The following PKNOX2 variants were observed in gnomAD, a reference collection of about 807,000 sequenced individuals.
PKNOX2 encodes PBX/knotted 1 homeobox 2.
PKNOX2 carries 14 observed loss-of-function variants against 53.1 expected under a neutral mutation model. That is an observed-to-expected ratio of 0.26 (90% CI 0.17 to 0.41). The LOEUF (loss-of-function observed/expected upper bound fraction) is 0.41, where lower values mean the gene tolerates loss of function less well. Among genes scored for constraint, PKNOX2 ranks in the 10% least tolerant of loss-of-function variants. The pLI is 1.00. For missense variants in PKNOX2, 496 were observed against 602.8 expected, an observed-to-expected ratio of 0.82 and a Z score of 1.85; for synonymous variants, 257 against 242.8, an observed-to-expected ratio of 1.06 and a Z score of -0.54.
intron 8 of PKNOX2, 198 bp downstream of exon 8, chr11:125,410,523 T>G (rs1955443090): frequency 1.2e-6 from 1 of 807,896 alleles, no homozygotes; most frequent in Non-Finnish European, 1.9e-6. Context: ...CAAATTTGGG[T>G]CAAAATCTCA....
intron 2 of PKNOX2, among the ~76,000 whole-genome samples, chr11:125,261,979 A>G (rs1944881747): frequency 2.0e-5 from 3 of 152,290 alleles, no homozygotes; most frequent in African/African-American, 7.2e-5. Context: ...GCAACTTCCC[A>G]ACAGCCCAGG....
At chr11:125,281,292 C>T (rs1946541097) in intron 2 of PKNOX2, among the ~76,000 whole-genome samples, 1 of 152,196 alleles carries the variant, frequency 6.6e-6, no homozygotes, top group South Asian at 2.1e-4. Context: ...CAAAAATACT[C>T]TTAGAAATGT....
intron 2 of PKNOX2, among the ~76,000 whole-genome samples, chr11:125,308,745 C>G (rs544795147): frequency 1.3e-5 from 2 of 152,322 alleles, no homozygotes; most frequent in South Asian, 4.1e-4. Flanking sequence ...CTAACAACTC[C>G]TGGTGACGGC....
intron 2 of PKNOX2, among the ~76,000 whole-genome samples, chr11:125,236,465 A>G (rs972750126): frequency 4.6e-5 from 7 of 152,152 alleles, no homozygotes; most frequent in Admixed American, 1.3e-4. Context: ...CGGAGGTTAG[A>G]GGGACCTCAT....
Position 125,240,183 on chromosome 11 carries a change from G to A in PKNOX2, c.-130+5068G>A, listed in dbSNP as rs34868999. 24,897 of 152,158 alleles carry A rather than the reference G, an allele frequency of 0.16. 2,131 individuals carry two copies. The highest frequency in any genetic ancestry group is 0.18 in the Non-Finnish European group (12,488 of 68,012). 9.4% of individuals were successfully genotyped at this position (152,158 alleles called of 1,614,324 possible). Reference sequence around the variant, plus strand: ...GAGTGGGGAGGGGGTGGACCGGGCAGGGGAGGAGGCAAAGAGTCTGTTTCC... The same window carrying A: ...GAGTGGGGAGGGGGTGGACCGGGCAAGGGAGGAGGCAAAGAGTCTGTTTCC... On this transcript the variant is annotated intron_variant, in intron 2 of 12. Transcript: ENST00000298282. This position sits in a 1 kb window ranked among gnomAD's most constrained non-coding sequence, Gnocchi z 4.3.
chr11:125,371,481 T>C (rs1193212779), intron 5 of PKNOX2, among the ~76,000 whole-genome samples: 2 of 152,134 alleles, frequency 1.3e-5, no homozygotes, highest in African/African-American at 2.4e-5. Flanking sequence ...GGGATTAGGT[T>C]GCCAGCGGCG....
intron 1 of PKNOX2, among the ~76,000 whole-genome samples, chr11:125,200,867 C>A (rs975921632): frequency 2.0e-5 from 3 of 152,222 alleles, no homozygotes; most frequent in Non-Finnish European, 4.4e-5. Context: ...TCCTTGCTGT[C>A]TCTTGCTTCT....
At chr11:125,301,425 G>A (rs558449932) in intron 2 of PKNOX2, among the ~76,000 whole-genome samples, 19 of 151,960 alleles carry the variant, frequency 1.3e-4, no homozygotes, top group African/African-American at 4.6e-4. Flanking sequence ...AAGAAAGAGT[G>A]TAGTATCTGA....
At position 125,241,841 on chromosome 11, in the gene PKNOX2, C is replaced by A. The variant is rs560225611; in HGVS notation, c.-130+6726C>A. On this transcript the variant is annotated intron_variant, in intron 2 of 12. Coordinates refer to ENST00000298282, the MANE Select transcript of PKNOX2 (RefSeq NM_001382323.2). ...CTGCACTCCAGCCTGGGTGACAGAG[C>A]AAGACTTCATCAAAAAACAACAACA... Among the ~76,000 whole-genome samples the A allele has an allele frequency of 3.2e-4, 49 of 152,012 alleles. 1 individual carries two copies. The highest frequency in any genetic ancestry group is 1.1e-3 in the African/African-American group (46 of 41,402).
intron 10 of PKNOX2, among the ~76,000 whole-genome samples, chr11:125,413,110 C>G (rs1955661055): frequency 6.6e-6 from 1 of 152,194 alleles, no homozygotes; most frequent in Admixed American, 6.5e-5. Context: ...TGGGGCTGCC[C>G]CAGTGGTTTG....
In PKNOX2 at chr11:125,221,153, T is replaced by TA. The variant is rs560395790; in HGVS notation, c.-200-13883dup. Among the ~76,000 whole-genome samples the TA allele has an allele frequency of 8.4e-4, 127 of 150,562 alleles. 1 individual carries two copies. In the East Asian group the frequency reaches 0.018, roughly 22 times the overall value. On this transcript the variant is annotated intron_variant, in intron 1 of 12. Transcript: ENST00000298282. Reference sequence around the variant, plus strand: ...CTGGGTGACAGAGTGAGACTCTGTCTAAAAAAAAACAAAACAAAAATTGTC... The same window carrying TA: ...CTGGGTGACAGAGTGAGACTCTGTCTAAAAAAAAAACAAAACAAAAATTGTC...
chr11:125,355,069 C>A (rs1223690336), intron 4 of PKNOX2, among the ~76,000 whole-genome samples: 1 of 152,044 alleles, frequency 6.6e-6, no homozygotes, highest in East Asian at 1.9e-4. Context: ...GAGTTCAAGA[C>A]CAGCTTGGCC....
chr11:125,287,435 A>G (rs933746504), intron 2 of PKNOX2, among the ~76,000 whole-genome samples: 4 of 152,224 alleles, frequency 2.6e-5, no homozygotes, highest in African/African-American at 4.8e-5. Flanking sequence ...AACCTGGGGA[A>G]AGGGCGTGCT....
At chr11:125,326,553 C>T (rs1949830035) in intron 2 of PKNOX2, among the ~76,000 whole-genome samples, 1 of 152,190 alleles carries the variant, frequency 6.6e-6, no homozygotes, top group Admixed American at 6.5e-5. Context: ...GGAGAAACAC[C>T]ATAAACAAGT....
intron 2 of PKNOX2, among the ~76,000 whole-genome samples, chr11:125,329,871 C>A (rs73025724): frequency 0.16 from 24,321 of 151,958 alleles, 4,473 homozygotes; most frequent in African/African-American, 0.46. Flanking sequence ...GCTGCTTTTT[C>A]GACAATGAGC....
At chr11:125,411,422 C>T (rs911792598) in intron 9 of PKNOX2, 1 of 423,320 alleles carries the variant, frequency 2.4e-6, no homozygotes, top group South Asian at 2.1e-5. Flanking sequence ...AAATTCATAT[C>T]TTCTCCTGTT....
intron 2 of PKNOX2, among the ~76,000 whole-genome samples, chr11:125,331,289 C>T (rs1229371544): frequency 2.6e-5 from 4 of 152,198 alleles, no homozygotes; most frequent in Non-Finnish European, 4.4e-5. Context: ...GCTTTAGGCC[C>T]ATTCCCCTCC....
intron 6 of PKNOX2, among the ~76,000 whole-genome samples, chr11:125,394,959 CGTGTGT>C (rs112812944): frequency 4.7e-5 from 7 of 149,502 alleles, no homozygotes; most frequent in Non-Finnish European, 1.0e-4. Context: ...TACGTGCCCT[CGTGTGT>C]GTGTGTGTGT....
chr11:125,279,414 G>A lies in PKNOX2; in HGVS notation c.-130+44299G>A, dbSNP rs112864929. Among the ~76,000 whole-genome samples the A allele has an allele frequency of 2.4e-3, 369 of 152,318 alleles. 1 individual carries two copies. Among genetic ancestry groups the A allele is most frequent in the South Asian group, 9.1e-3 (44 of 4,822 alleles). ...ACTCACAAGCTGATAAAGGAGACCC[G>A]AGAAGTATTTTAATTCACTGGCCTC... On this transcript the variant is annotated intron_variant, in intron 2 of 12. Coordinates refer to ENST00000298282, the MANE Select transcript of PKNOX2 (RefSeq NM_001382323.2).
Sources: gnomAD v4.1 joint callset for allele counts (sites outside exome capture counted in the v4.1 genomes callset) on GRCh38, gnomAD v4.1.1 for gene constraint, Gnocchi (gnomAD v3.1) non-coding constraint, MANE v1.5 for transcripts, NCBI Gene and HGNC (gene_info 2026-07-23, HGNC 2026-07-21) for gene names.